ARHGAP15: variants seen among roughly 807,000 people sequenced by gnomAD.
ARHGAP15 encodes the protein rho GTPase-activating protein 15.
Under a neutral mutation model 63.7 loss-of-function variants are expected in ARHGAP15, and 51 were observed. The observed-to-expected ratio is 0.80, with a 90% CI of 0.64 to 1.01. The LOEUF is 1.01. ARHGAP15 is among the 50% of genes least tolerant of loss of function. ARHGAP15 has a pLI of 0.00. For missense variants in ARHGAP15, 560 were observed against 564.6 expected, an observed-to-expected ratio of 0.99 and a Z score of 0.08; for synonymous variants, 191 against 193.8, an observed-to-expected ratio of 0.99 and a Z score of 0.12.
chr2:143,334,931 T>A (rs190309810), intron 6 of ARHGAP15, among the ~76,000 whole-genome samples: 30 of 152,294 alleles, frequency 2.0e-4, no homozygotes, highest in African/African-American at 6.7e-4. Flanking sequence ...GCTATGCACA[T>A]ACTACTGTAA....
chr2:143,462,554 C>A (rs961071214), intron 8 of ARHGAP15, among the ~76,000 whole-genome samples: 2 of 152,072 alleles, frequency 1.3e-5, no homozygotes, highest in Admixed American at 6.6e-5. Flanking sequence ...ACTGGAGATA[C>A]AATAAACAAA....
At chr2:143,270,834 T>C (rs2105049415) in intron 6 of ARHGAP15, among the ~76,000 whole-genome samples, 1 of 152,336 alleles carries the variant, frequency 6.6e-6, no homozygotes, top group East Asian at 1.9e-4. Context: ...AAGTAACCTC[T>C]TTGGCACTCG....
At chr2:143,278,386 C>T (rs185944871) in intron 6 of ARHGAP15, among the ~76,000 whole-genome samples, 98 of 152,274 alleles carry the variant, frequency 6.4e-4, no homozygotes, top group African/African-American at 2.3e-3. Context: ...CAATCTAACC[C>T]TATAACCTGC....
chr2:143,381,957 T>G (rs759238087), intron 6 of ARHGAP15, among the ~76,000 whole-genome samples: 7 of 152,160 alleles, frequency 4.6e-5, no homozygotes, highest in Non-Finnish European at 1.0e-4. Context: ...CTTTTTCTTA[T>G]GTTTTCCCAA....
chr2:143,535,556 A>G (rs1694716819), intron 10 of ARHGAP15, among the ~76,000 whole-genome samples: 1 of 152,258 alleles, frequency 6.6e-6, no homozygotes, highest in African/African-American at 2.4e-5. Flanking sequence ...TTCTGAAAAT[A>G]AACTGCAAAA....
chr2:143,450,030 A>G lies in ARHGAP15; in HGVS notation c.703+12988A>G, dbSNP rs2105130413. On this transcript the variant is annotated intron_variant, in intron 8 of 13. Coordinates refer to ENST00000295095, the MANE Select transcript of ARHGAP15 (RefSeq NM_018460.4). ...TACCTTTCTTACTTTAAGACAGCTT[A>G]CATAAGAATAATTAATCTTTTTTTT... Among the ~76,000 whole-genome samples the G allele has an allele frequency of 1.3e-5, 2 of 148,232 alleles. 1 individual carries two copies. Among genetic ancestry groups the G allele is most frequent in the Middle Eastern group, 6.8e-3 (2 of 292 alleles).
At chr2:143,677,123 G>A (rs1682867418) in intron 12 of ARHGAP15, among the ~76,000 whole-genome samples, 1 of 152,208 alleles carries the variant, frequency 6.6e-6, no homozygotes, top group African/African-American at 2.4e-5. Flanking sequence ...CCCATTCATT[G>A]TGAATCTTCA....
chr2:143,148,240 C>G (rs1574010313), intron 1 of ARHGAP15, among the ~76,000 whole-genome samples: 1 of 152,024 alleles, frequency 6.6e-6, no homozygotes, highest in African/African-American at 2.4e-5. Flanking sequence ...ATCACCTCCA[C>G]CCTAAAATCA....
At chr2:143,643,285 T>C (rs990407253) in intron 12 of ARHGAP15, among the ~76,000 whole-genome samples, 1 of 152,072 alleles carries the variant, frequency 6.6e-6, no homozygotes, top group African/African-American at 2.4e-5. Flanking sequence ...GCAAGTGACC[T>C]GAGTCCTCTG....
In ARHGAP15 at chr2:143,471,098, CAT is replaced by C. The variant is rs550158707; in HGVS notation, c.704-16274_704-16273del. Among the ~76,000 whole-genome samples, 370 of 148,344 alleles carry C rather than the reference CAT, an allele frequency of 2.5e-3. 3 individuals carry two copies. The highest frequency in any genetic ancestry group is 3.6e-3 in the Middle Eastern group (1 of 274). On this transcript the variant is annotated intron_variant, in intron 8 of 13. Coordinates refer to ENST00000295095, the MANE Select transcript of ARHGAP15 (RefSeq NM_018460.4). ...CACATGTATAAATGTATATGATACA[CAT>C]GTGTATATATACACACATATACACA...
intron 11 of ARHGAP15, among the ~76,000 whole-genome samples, chr2:143,603,863 C>A (rs1255679407): frequency 6.6e-6 from 1 of 152,112 alleles, no homozygotes; most frequent in Non-Finnish European, 1.5e-5. Flanking sequence ...AAAAGAAATT[C>A]TAAAAGAAGA....
At chr2:143,379,491 G>GTGTA (rs1558932088) in intron 6 of ARHGAP15, among the ~76,000 whole-genome samples, 1 of 113,224 alleles carries the variant, frequency 8.8e-6, no homozygotes, top group African/African-American at 3.6e-5. Flanking sequence ...ATATATATGT[G>GTGTA]TGTGTGTGTG....
At chr2:143,185,164 G>T (rs544619527) in intron 2 of ARHGAP15, among the ~76,000 whole-genome samples, 1 of 151,944 alleles carries the variant, frequency 6.6e-6, no homozygotes, top group Non-Finnish European at 1.5e-5. Context: ...TTATTAATAC[G>T]TTCCGATTGA....
intron 6 of ARHGAP15, among the ~76,000 whole-genome samples, chr2:143,387,805 A>G (rs1465136365): frequency 6.6e-6 from 1 of 152,080 alleles, no homozygotes; most frequent in East Asian, 1.9e-4. Context: ...CCTTATCTGA[A>G]GGTGAAAGAA....
chr2:143,374,277 C>T (rs923784194), intron 6 of ARHGAP15, among the ~76,000 whole-genome samples: 4 of 152,016 alleles, frequency 2.6e-5, no homozygotes, highest in Non-Finnish European at 5.9e-5. Context: ...GGGATATTGT[C>T]ACTGGAATGT....
chr2:143,339,976 T>G lies in ARHGAP15; in HGVS notation c.474+89376T>G, dbSNP rs77082412. Among the ~76,000 whole-genome samples the G allele has an allele frequency of 3.7e-3, 557 of 152,296 alleles. 5 individuals are homozygous for G. The highest frequency in any genetic ancestry group is 0.012 in the African/African-American group (512 of 41,578). On this transcript the variant is annotated intron_variant, in intron 6 of 13. Coordinates refer to ENST00000295095, the MANE Select transcript of ARHGAP15 (RefSeq NM_018460.4). The stretch of plus-strand genomic sequence containing the variant: ...TTCAACAAACCAGTCATTTTATTCC[T>G]TCTTGATTTCTAAACGTCTCAGACT...
chr2:143,295,803 G>A (rs190589836), intron 6 of ARHGAP15: 2 of 152,046 alleles, frequency 1.3e-5, no homozygotes, highest in East Asian at 1.9e-4. Context: ...GGTAATGCCT[G>A]GCACTCTATG....
At chr2:143,414,633 C>T (rs1384701990) in intron 6 of ARHGAP15, among the ~76,000 whole-genome samples, 6 of 152,054 alleles carry the variant, frequency 3.9e-5, no homozygotes, top group East Asian at 1.9e-4. Context: ...AGGTCTTACA[C>T]GTAGAAATAT....
intron 6 of ARHGAP15, among the ~76,000 whole-genome samples, chr2:143,413,971 G>GCGCGCGCA (rs147891307): frequency 0.071 from 10,518 of 147,516 alleles, 522 homozygotes; most frequent in South Asian, 0.14. Context: ...GTGTGTGCGC[G>GCGCGCGCA]CTCTCTGGCA....
Sources: allele counts gnomAD v4.1 joint callset (sites outside exome capture counted in the v4.1 genomes callset), GRCh38; gene constraint gnomAD v4.1.1; transcripts MANE v1.5; gene names NCBI Gene and HGNC (gene_info 2026-07-23, HGNC 2026-07-21).